Variants in LEMD2 observed in about 807,000 individuals in gnomAD.
LEMD2 encodes the protein LEM domain-containing protein 2.
LEMD2 carries 34 observed loss-of-function variants against 58.8 expected under a neutral mutation model. That is an observed-to-expected ratio of 0.58 (90% CI 0.44 to 0.77). LEMD2 has a LOEUF of 0.77. Among genes scored for constraint, LEMD2 ranks in the 30% least tolerant of loss-of-function variants. LEMD2 has a pLI of 0.00. For missense variants in LEMD2, 629 were observed against 717.9 expected, an observed-to-expected ratio of 0.88 and a Z score of 1.42; for synonymous variants, 298 against 308.9, an observed-to-expected ratio of 0.96 and a Z score of 0.37.
Position 33,772,673 on chromosome 6 carries a change from C to T in LEMD2, c.1467G>A (p.Val489=). ...AGGAAGAGGGCTTAGTCCATCTCCA[C>T]ACCAGCATGTCCTCTCCTGCAACGC... ...SHRVAGEDML[V]WRWTKPSSFS... is the part of the protein sequence containing the mutation. The change falls in exon 9 of 9, where the codon GTG becomes GTA. Residue 489 remains valine, a synonymous_variant. Coordinates refer to ENST00000293760, the MANE Select transcript of LEMD2 (RefSeq NM_181336.4). The T allele has an allele frequency of 6.2e-7, 1 of 1,614,118 alleles. No homozygotes were observed. Among genetic ancestry groups the T allele is most frequent in the Non-Finnish European group, 8.5e-7 (1 of 1,180,030 alleles).
rs142381382 is a variant in LEMD2 at position 33,781,758 on chromosome 6, TCCCCTGGGAAGCCCTCAG to T, written c.854-623_854-606del. 4.0e-3 allele frequency: 613 copies of T among 152,476 alleles called. 22 individuals are homozygous for T. In the East Asian group the frequency reaches 0.086, roughly 21 times the overall value. The allele number at this position is 152,476 out of a possible 1,614,324, so 9.4% of individuals were successfully genotyped here. A position where few individuals can be genotyped will look rare whatever the true frequency, so the allele number is the denominator to read the frequency against. ...TCCCCGGTCCAGCCCAGGGGCCATCTCCCCTGGGAAGCCCTCAGCCCCTGGGGGCCTTTTGTTTGATGA... is the reference window on the plus strand; with the variant it reads ...TCCCCGGTCCAGCCCAGGGGCCATCTCCCCTGGGGGCCTTTTGTTTGATGA... On this transcript the variant is annotated intron_variant, in intron 3 of 8. Transcript: ENST00000293760.
intron 3 of LEMD2, chr6:33,781,414 T>A (rs1767562616): frequency 2.1e-6 from 1 of 465,732 alleles, no homozygotes; most frequent in South Asian, 3.4e-5. Context: ...AATAGCAAGG[T>A]CTCTTTGCAA....
chr6:33,787,225 T>C (rs1158762229), intron 1 of LEMD2: 1 of 169,652 alleles, frequency 5.9e-6, no homozygotes, highest in Non-Finnish European at 1.3e-5. Context: ...CGCTGTTGTC[T>C]TAAAGCATCT....
At chr6:33,786,461 C>T (rs1302953688) in intron 2 of LEMD2, among the ~76,000 whole-genome samples, 2 of 152,192 alleles carry the variant, frequency 1.3e-5, no homozygotes, top group African/African-American at 4.8e-5. Flanking sequence ...CCTAGATTGA[C>T]TCAGGCAGAT....
intron 3 of LEMD2, 140 bp downstream of exon 3, chr6:33,784,212 C>T (rs953947148): frequency 9.7e-6 from 7 of 724,728 alleles, no homozygotes; most frequent in Admixed American, 7.8e-5. Context: ...GAAGGTGAGA[C>T]TCGGCTTCTG....
intron 8 of LEMD2, among the ~76,000 whole-genome samples, chr6:33,775,554 A>G (rs1767410925): frequency 6.6e-6 from 1 of 152,126 alleles, no homozygotes; most frequent in Non-Finnish European, 1.5e-5. Context: ...GGCTCAAGCA[A>G]TCCTCCCACT....
rs758833799 is a variant in LEMD2 at position 33,776,985 on chromosome 6, C to T, written c.1330G>A (p.Val444Met). The T allele has an allele frequency of 1.8e-5, 29 of 1,613,942 alleles. No homozygotes were observed. The South Asian group carries it at 3.0e-4, about 16-fold the overall frequency. The change falls in exon 8 of 9, where the codon GTG (valine) becomes ATG (methionine). Residue 444 changes from valine to methionine, a missense_variant. Val to Met is a conservative substitution (Grantham distance 21). This residue lies in a region of LEMD2 where 243 missense variants were observed against 336.8 expected (regional missense o/e 0.72). Coordinates refer to ENST00000293760, the MANE Select transcript of LEMD2 (RefSeq NM_181336.4). ...TGTGGAGGGATCAAGCTGTCGCGCACGTGCAGGATGCCTACATATGGATAG... is the reference window on the plus strand; with the variant it reads ...TGTGGAGGGATCAAGCTGTCGCGCATGTGCAGGATGCCTACATATGGATAG... ...ERYPYVGILH[V>M]RDSLIPPQSR...
rs143084793 is a variant in LEMD2, at chr6:33,785,283, AG to A, written c.778-857del. Among the ~76,000 whole-genome samples, 30 of 152,340 alleles carry A rather than the reference AG, an allele frequency of 2.0e-4. No individual in the cohort carries two copies. The East Asian group carries it at 5.6e-3, about 28-fold the overall frequency. On this transcript the variant is annotated intron_variant, in intron 2 of 8. Transcript: ENST00000293760. ...CTGTGTCCACCCTCCAGAAAGGCCA[AG>A]GGTGCCCCATGAAATCTTAGCTCCA...
chr6:33,786,584 C>T (rs950809363), intron 2 of LEMD2, 150 bp downstream of exon 2: 9 of 654,774 alleles, frequency 1.4e-5, no homozygotes, highest in Non-Finnish European at 2.4e-5. Flanking sequence ...TTGAGCCTGA[C>T]AAGAACATCA....
At position 33,784,555 on chromosome 6, in the gene LEMD2, T is replaced by C; in HGVS notation, c.778-128A>G. 6.1e-6 allele frequency: 4 copies of C among 658,844 alleles called. No individual in the cohort carries two copies. In the South Asian group the frequency reaches 7.2e-5, roughly 12 times the overall value. The allele number at this position is 658,844 out of a possible 1,614,324, so 40.8% of individuals were successfully genotyped here. ...AGGAATATCTCATACTTTTACAAAA[T>C]AGAAAAAAATTCTGCCAAGTGCTGG... On this transcript the variant is annotated intron_variant, in intron 2 of 8. Transcript: ENST00000293760.
rs369189604 is a variant in LEMD2 at position 33,777,248 on chromosome 6, G to A, written c.1157-9C>T. ...CCACAAAAAAGCCAAGCCTGTGAGGGAACAAAACACTGTTAATCCCTCACA... is the reference window on the plus strand; with the variant it reads ...CCACAAAAAAGCCAAGCCTGTGAGGAAACAAAACACTGTTAATCCCTCACA... On this transcript the variant is annotated splice_polypyrimidine_tract_variant and intron_variant, in intron 6 of 8. Transcript: ENST00000293760. 1.9e-5 allele frequency: 30 copies of A among 1,572,502 alleles called. No homozygotes were observed. In the African/African-American group the frequency reaches 3.9e-4, roughly 20 times the overall value.
rs1582255201 is a variant in LEMD2, at chr6:33,778,188, C to T, written c.1156+54G>A. The T allele has an allele frequency of 1.3e-6, 2 of 1,495,004 alleles. No individual in the cohort carries two copies. The highest frequency in any genetic ancestry group is 4.8e-5 in the East Asian group (2 of 41,416). The allele number at this position is 1,495,004 out of a possible 1,614,324, so 92.6% of individuals were successfully genotyped here. A position where few individuals can be genotyped will look rare whatever the true frequency, so the allele number is the denominator to read the frequency against. On this transcript the variant is annotated intron_variant, in intron 6 of 8. Coordinates refer to ENST00000293760, the MANE Select transcript of LEMD2 (RefSeq NM_181336.4). This position sits in a 1 kb window ranked among gnomAD's most constrained non-coding sequence, Gnocchi z 4.7. ...GAATTTCTATAGCTCATCATTCATGCCTAGGAGTATGCTTGACTGCACAGA... is the reference window on the plus strand; with the variant it reads ...GAATTTCTATAGCTCATCATTCATGTCTAGGAGTATGCTTGACTGCACAGA...
intron 3 of LEMD2, among the ~76,000 whole-genome samples, chr6:33,783,083 T>C (rs1327939988): frequency 6.6e-6 from 1 of 152,214 alleles, no homozygotes; most frequent in Non-Finnish European, 1.5e-5. Flanking sequence ...TCTGATTCAC[T>C]GGGTTTGGCA....
At chr6:33,780,927 AC>A in intron 4 of LEMD2, 149 bp downstream of exon 4, 1 of 605,842 alleles carries the variant, frequency 1.7e-6, no homozygotes. Flanking sequence ...GTAGTCTAGC[AC>A]AAAAAGCCAT....
rs1767558065 is a variant in LEMD2 at position 33,781,213 on chromosome 6, TA to T, written c.854-61del. 8.3e-6 allele frequency: 9 copies of T among 1,087,236 alleles called. No homozygotes were observed. In the East Asian group the frequency reaches 1.2e-4, roughly 14 times the overall value. 67.3% of individuals were successfully genotyped at this position (1,087,236 alleles called of 1,614,324 possible). ...AAGGAAAAATCACTCTGAAACAGAC[TA>T]AAAAATGCAGCAAGAATCAAGCCAT... On this transcript the variant is annotated intron_variant, in intron 3 of 8. Coordinates refer to ENST00000293760, the MANE Select transcript of LEMD2 (RefSeq NM_181336.4).
rs1161932744 is a variant in LEMD2 at position 33,788,946 on chromosome 6, C to A, written c.171G>T (p.Arg57=). The change falls in exon 1 of 9, where the codon CGG becomes CGT. Residue 57 remains arginine (R), a synonymous_variant. Coordinates refer to ENST00000293760, the MANE Select transcript of LEMD2 (RefSeq NM_181336.4). ...EERLREEARP[R]GEERLREEAR... ...CCTCTTCCCGTAACCGCTCCTCGCCCCGCGGCCGGGCCTCCTCCCGCAGCC... is the reference window on the plus strand; with the variant it reads ...CCTCTTCCCGTAACCGCTCCTCGCCACGCGGCCGGGCCTCCTCCCGCAGCC... 2.5e-5 allele frequency: 38 copies of A among 1,511,444 alleles called. No individual in the cohort carries two copies. The highest frequency in any genetic ancestry group is 3.0e-5 in the Non-Finnish European group (34 of 1,137,946). 93.6% of individuals were successfully genotyped at this position (1,511,444 alleles called of 1,614,324 possible).
Position 33,785,221 on chromosome 6 carries a change from C to T in LEMD2, c.778-794G>A, listed in dbSNP as rs556873379. ...AGAATAAGACTTTCAGCAAGAGCCT[C>T]ACCAAAGCCAAGAAACACGTCCCCA... On this transcript the variant is annotated intron_variant, in intron 2 of 8. Transcript: ENST00000293760. 2.6e-5 allele frequency among the ~76,000 whole-genome samples: 4 copies of T among 152,288 alleles called. No individual in the cohort carries two copies. In the East Asian group the frequency reaches 7.7e-4, roughly 29 times the overall value.
intron 3 of LEMD2, 80 bp downstream of exon 3, chr6:33,784,272 G>A (rs1163703054): frequency 9.1e-7 from 1 of 1,104,390 alleles, no homozygotes; most frequent in East Asian, 2.4e-5. Flanking sequence ...GCCAGCAGCA[G>A]TGTAACTAAG....
chr6:33,788,745 G>A lies in LEMD2; in HGVS notation c.372C>T (p.Ala124=). 1 of 1,440,744 alleles carries A rather than the reference G, an allele frequency of 6.9e-7. No individual in the cohort carries two copies. Among genetic ancestry groups the A allele is most frequent in the East Asian group, 3.0e-5 (1 of 33,372 alleles). 89.2% of individuals were successfully genotyped at this position (1,440,744 alleles called of 1,614,324 possible). The change falls in exon 1 of 9, where the codon GCC becomes GCT. Residue 124 remains alanine (A), a synonymous_variant. Transcript: ENST00000293760. ...CGCGGCGCCTGAGTTGCGCCGGGCG[G>A]GCAGGATAGGCGAGGCCGCGGCTCC... ...WVGSRGLAYP[A]RPAQLRRRAS... is the part of the protein sequence containing the mutation.
Sources: gnomAD v4.1 joint callset for allele counts (sites outside exome capture counted in the v4.1 genomes callset) on GRCh38, gnomAD v4.1.1 for gene constraint, gnomAD v4.1.1 regional missense constraint, Gnocchi (gnomAD v3.1) non-coding constraint, MANE v1.5 for transcripts, NCBI Gene and HGNC (gene_info 2026-07-23, HGNC 2026-07-21) for gene names.